DLG2: variants seen among roughly 807,000 people sequenced by gnomAD.
DLG2 encodes the protein discs large MAGUK scaffold protein 2.
Under a neutral mutation model 132.5 loss-of-function variants are expected in DLG2, and 45 were observed. The observed-to-expected ratio is 0.34, with a 90% CI of 0.27 to 0.44. DLG2 has a LOEUF of 0.44. DLG2 is among the 20% of genes least tolerant of loss of function. DLG2 has a pLI of 1.00. For missense variants in DLG2, 1,045 were observed against 1,196.9 expected (o/e 0.87, Z 1.87); for synonymous variants, 424 against 419.6 (o/e 1.01, Z -0.13).
intron 6 of DLG2, among the ~76,000 whole-genome samples, chr11:84,820,278 C>T (rs754035659): frequency 1.3e-5 from 2 of 151,900 alleles, no homozygotes; most frequent in African/African-American, 4.8e-5. Flanking sequence ...TTTTCAATAA[C>T]CTCCTTGTGA....
At chr11:85,181,341 T>G (rs962988554) in intron 4 of DLG2, among the ~76,000 whole-genome samples, 1 of 151,762 alleles carries the variant, frequency 6.6e-6, no homozygotes, top group African/African-American at 2.4e-5. Flanking sequence ...ACAATCCACT[T>G]ACACCCTTTT....
chr11:83,794,436 G>GTTTTTTTTTTTTTTTTTTTTTTTT (rs1566986420), intron 17 of DLG2, among the ~76,000 whole-genome samples: 1 of 90,002 alleles, frequency 1.1e-5, no homozygotes, highest in African/African-American at 5.0e-5. Flanking sequence ...ATTTACTATT[G>GTTTTTTTTTTTTTTTTTTTTTTTT]GTTTTTTTTT....
chr11:84,577,334 G>A (rs527313852), intron 6 of DLG2, among the ~76,000 whole-genome samples: 83 of 152,292 alleles, frequency 5.5e-4, no homozygotes, highest in African/African-American at 1.9e-3. Flanking sequence ...GGCAGAGGTT[G>A]GAACAGTTTG....
intron 7 of DLG2, among the ~76,000 whole-genome samples, chr11:84,473,478 C>T (rs1017571108): frequency 6.6e-6 from 1 of 151,992 alleles, no homozygotes; most frequent in African/African-American, 2.4e-5. Flanking sequence ...ATGCTCTAAA[C>T]TACTATCTTG....
At position 84,041,844 on chromosome 11, in the gene DLG2, C is replaced by T. The variant is rs530166435; in HGVS notation, c.919+17471G>A. ...TGTGTTATGGGAGGAAACTGGTGGG[C>T]GGTGATTGAATTATGGGGATGGGTC... On this transcript the variant is annotated intron_variant, in intron 11 of 27. Coordinates refer to ENST00000376104, the MANE Select transcript of DLG2 (RefSeq NM_001142699.3). 1.3e-4 allele frequency among the ~76,000 whole-genome samples: 19 copies of T among 151,826 alleles called. No homozygotes were observed. In the East Asian group the frequency reaches 1.8e-3, roughly 14 times the overall value.
intron 12 of DLG2, among the ~76,000 whole-genome samples, chr11:83,965,693 A>T (rs1484870969): frequency 6.6e-6 from 1 of 152,026 alleles, no homozygotes; most frequent in Non-Finnish European, 1.5e-5. Context: ...ATATACAGTA[A>T]TGGAATTCAG....
intron 6 of DLG2, among the ~76,000 whole-genome samples, chr11:84,728,511 T>A: frequency 6.6e-6 from 1 of 152,198 alleles, no homozygotes; most frequent in East Asian, 1.9e-4. Flanking sequence ...ATTGAGGACC[T>A]TCGCATCGAT....
intron 15 of DLG2, among the ~76,000 whole-genome samples, chr11:83,891,061 T>C (rs1454557891): frequency 6.6e-6 from 1 of 152,160 alleles, no homozygotes; most frequent in African/African-American, 2.4e-5. Context: ...GGTAGAGATA[T>C]CTCATTAAAT....
chr11:84,273,294 C>G, intron 7 of DLG2: 4 of 1,341,714 alleles, frequency 3.0e-6, no homozygotes, highest in South Asian at 1.7e-5. Context: ...CTCACAGAAC[C>G]CAGTTGAAGA....
intron 18 of DLG2, among the ~76,000 whole-genome samples, chr11:83,713,357 G>A (rs541317249): frequency 2.0e-4 from 30 of 152,190 alleles, no homozygotes; most frequent in Non-Finnish European, 3.1e-4. Context: ...TTTGAAGAAT[G>A]GGTGAGGTTT....
intron 6 of DLG2, among the ~76,000 whole-genome samples, chr11:84,943,012 C>T (rs1461460117): frequency 6.6e-6 from 1 of 151,986 alleles, no homozygotes; most frequent in Non-Finnish European, 1.5e-5. Context: ...TCTTCAAAAC[C>T]ATTTTGTCTG....
At position 83,479,019 on chromosome 11, in the gene DLG2, C is replaced by T. The variant is rs148428295; in HGVS notation, c.2293+5110G>A. Among the ~76,000 whole-genome samples, 302 of 151,718 alleles carry T rather than the reference C, an allele frequency of 2.0e-3. 3 individuals are homozygous for T. Among genetic ancestry groups the T allele is most frequent in the African/African-American group, 6.8e-3 (283 of 41,400 alleles). ...GAATGTAAAAATGTTGACATGTTACCGTGTTGATAACAAGAACCTTCTGAA... is the reference window on the plus strand; with the variant it reads ...GAATGTAAAAATGTTGACATGTTACTGTGTTGATAACAAGAACCTTCTGAA... On this transcript the variant is annotated intron_variant, in intron 22 of 27. Coordinates refer to ENST00000376104, the MANE Select transcript of DLG2 (RefSeq NM_001142699.3).
intron 21 of DLG2, among the ~76,000 whole-genome samples, chr11:83,492,756 A>G (rs1305918015): frequency 6.6e-6 from 1 of 152,050 alleles, no homozygotes; most frequent in Non-Finnish European, 1.5e-5. Context: ...CAGCTTTAAA[A>G]TACACCCATA....
chr11:83,837,080 T>C (rs7941069), intron 16 of DLG2, among the ~76,000 whole-genome samples: 1,543 of 152,224 alleles, frequency 0.01, 24 homozygotes, highest in African/African-American at 0.035. Context: ...TACCTTTGCA[T>C]GGGGGTAGGA....
intron 19 of DLG2, among the ~76,000 whole-genome samples, chr11:83,614,391 C>T (rs532152298): frequency 3.8e-4 from 58 of 152,192 alleles, no homozygotes; most frequent in Non-Finnish European, 7.1e-4. Context: ...AGAAGTCATG[C>T]GCATGGGCAA....
At chr11:83,756,804 T>C (rs2093666435) in intron 18 of DLG2, among the ~76,000 whole-genome samples, 1 of 151,758 alleles carries the variant, frequency 6.6e-6, no homozygotes, top group Non-Finnish European at 1.5e-5. Context: ...TCTTAGGGAG[T>C]CTTGGAGTTC....
chr11:84,408,200 G>A (rs1056205417), intron 7 of DLG2, among the ~76,000 whole-genome samples: 1 of 152,052 alleles, frequency 6.6e-6, no homozygotes, highest in Non-Finnish European at 1.5e-5. Flanking sequence ...ATCAACCAAC[G>A]GGGGCAGAAG....
At chr11:84,027,108 G>A (rs1167110360) in intron 11 of DLG2, among the ~76,000 whole-genome samples, 4 of 152,144 alleles carry the variant, frequency 2.6e-5, no homozygotes, top group South Asian at 4.2e-4. Context: ...CAAAGGTATT[G>A]GAGATGGTGG....
At chr11:84,196,945 G>A (rs1293106412) in intron 8 of DLG2, among the ~76,000 whole-genome samples, 3 of 145,674 alleles carry the variant, frequency 2.1e-5, no homozygotes, top group Admixed American at 1.4e-4. Context: ...GCTGAGGCAA[G>A]AGAAGCGCTT....
Sources: gnomAD v4.1 joint callset for allele counts (sites outside exome capture counted in the v4.1 genomes callset) on GRCh38, gnomAD v4.1.1 for gene constraint, MANE v1.5 for transcripts, NCBI Gene and HGNC (gene_info 2026-07-23, HGNC 2026-07-21) for gene names.